Variants in CLDN16 observed in about 807,000 individuals in gnomAD.
CLDN16 encodes claudin-16.
Under a neutral mutation model 24.6 loss-of-function variants are expected in CLDN16, and 13 were observed. The observed-to-expected ratio is 0.53, with a 90% CI of 0.34 to 0.84. The LOEUF (loss-of-function observed/expected upper bound fraction) is 0.84, where lower values mean the gene tolerates loss of function less well. Ranked by LOEUF, CLDN16 falls within the 40% of genes least tolerant of loss-of-function variation. CLDN16 has a pLI of 0.01. For synonymous variants in CLDN16, 116 were observed against 106.7 expected (o/e 1.09, Z -0.54); for missense variants, 298 against 292.7 (o/e 1.02, Z -0.13).
chr3:190,312,827 C>G, the CLDN16 span: 8 of 1,603,472 alleles, frequency 5.0e-6, no homozygotes, highest in East Asian at 1.1e-4. Flanking sequence ...CAAATCATAC[C>G]AGGAACAGGT....
intron 3 of CLDN16, among the ~76,000 whole-genome samples, chr3:190,375,519 G>T (rs752871037): frequency 1.3e-4 from 19 of 151,958 alleles, no homozygotes; most frequent in Non-Finnish European, 2.6e-4. Context: ...CCTAGTTCCA[G>T]TTGAGAGATT....
chr3:190,366,998 CA>C (rs1278126747), intron 1 of CLDN16, among the ~76,000 whole-genome samples: 1 of 151,924 alleles, frequency 6.6e-6, no homozygotes, highest in African/African-American at 2.4e-5. Flanking sequence ...TGGGAGTGTT[CA>C]AAGAACAAGA....
intron 1 of CLDN16, among the ~76,000 whole-genome samples, chr3:190,364,108 T>C (rs1460812328): frequency 6.6e-6 from 1 of 151,954 alleles, no homozygotes; most frequent in Admixed American, 6.6e-5. Flanking sequence ...ACCAATACAT[T>C]TGTGAACAAA....
the CLDN16 span, chr3:190,308,403 A>C: frequency 1.9e-6 from 3 of 1,613,656 alleles, no homozygotes; most frequent in Non-Finnish European, 2.5e-6. Context: ...GAGAAGCAGC[A>C]GCCCAGCCAG....
chr3:190,391,598 G>A (rs1718677494), intron 1 of CLDN16, among the ~76,000 whole-genome samples: 1 of 152,270 alleles, frequency 6.6e-6, no homozygotes, highest in African/African-American at 2.4e-5. Context: ...TGTAGAAATG[G>A]CAGCAGGGGC....
intron 1 of CLDN16, among the ~76,000 whole-genome samples, chr3:190,341,910 G>A (rs186685063): frequency 1.3e-5 from 2 of 152,134 alleles, no homozygotes; most frequent in African/African-American, 2.4e-5. Flanking sequence ...GGGACAAAAT[G>A]CTGCCAGTCT....
chr3:190,361,937 C>T (rs960119490), intron 1 of CLDN16, among the ~76,000 whole-genome samples: 6 of 149,398 alleles, frequency 4.0e-5, no homozygotes, highest in African/African-American at 1.5e-4. Context: ...GAGAATCCAC[C>T]TGCGTAATAA....
the CLDN16 span, among the ~76,000 whole-genome samples, chr3:190,299,291 T>A: frequency 6.6e-6 from 1 of 152,140 alleles, no homozygotes; most frequent in African/African-American, 2.4e-5. Flanking sequence ...CATTTGATTG[T>A]ATTTGTTATA....
intron 1 of CLDN16, among the ~76,000 whole-genome samples, chr3:190,368,762 T>C (rs1415567039): frequency 2.6e-5 from 4 of 151,946 alleles, no homozygotes; most frequent in Admixed American, 2.6e-4. Flanking sequence ...AAGCTGTCAT[T>C]CTGAAGAGGG....
the CLDN16 span, among the ~76,000 whole-genome samples, chr3:190,310,636 G>C: frequency 6.6e-6 from 1 of 152,066 alleles, no homozygotes; most frequent in Non-Finnish European, 1.5e-5. Context: ...CTTGCAAAAG[G>C]GGAAGATGAA....
chr3:190,376,339 A>C (rs943494524), intron 3 of CLDN16, among the ~76,000 whole-genome samples: 6 of 151,882 alleles, frequency 4.0e-5, no homozygotes, highest in African/African-American at 1.2e-4. Flanking sequence ...ATAATTCAAC[A>C]ACAGAAATGA....
the CLDN16 span, among the ~76,000 whole-genome samples, chr3:190,301,717 A>C: frequency 6.6e-6 from 1 of 152,146 alleles, no homozygotes; most frequent in African/African-American, 2.4e-5. Context: ...AGTTGACTCT[A>C]CTTTAAAGTA....
chr3:190,324,674 A>G (rs929959960), intron 1 of CLDN16, among the ~76,000 whole-genome samples: 4 of 152,204 alleles, frequency 2.6e-5, no homozygotes, highest in African/African-American at 9.6e-5. Flanking sequence ...GGTCTGTGCG[A>G]GGCTGATTAC....
At chr3:190,312,686 T>C in the CLDN16 span, among the ~76,000 whole-genome samples, 1 of 152,240 alleles carries the variant, frequency 6.6e-6, no homozygotes, top group Non-Finnish European at 1.5e-5. Context: ...ACCTGTCAGA[T>C]GTGAGCAGAG....
chr3:190,389,511 AT>A (rs1248018192), intron 1 of CLDN16, among the ~76,000 whole-genome samples: 4 of 152,122 alleles, frequency 2.6e-5, no homozygotes, highest in Non-Finnish European at 5.9e-5. Context: ...GCTGTGCATT[AT>A]TTTTGCTGCT....
At chr3:190,369,117 G>A (rs770999550) in intron 1 of CLDN16, among the ~76,000 whole-genome samples, 4 of 151,820 alleles carry the variant, frequency 2.6e-5, no homozygotes, top group Non-Finnish European at 1.5e-5. Context: ...TTGAAAGACA[G>A]ATTTTTTTTT....
intron 1 of CLDN16, among the ~76,000 whole-genome samples, chr3:190,326,844 T>G (rs3954261): frequency 0.58 from 87,729 of 152,032 alleles, 26,732 homozygotes; most frequent in African/African-American, 0.78. Flanking sequence ...AGGTGCTGAA[T>G]GACTGTTCCT....
the CLDN16 span, among the ~76,000 whole-genome samples, chr3:190,310,613 A>T: frequency 1.3e-5 from 2 of 152,238 alleles, no homozygotes; most frequent in South Asian, 2.1e-4. Context: ...CATTATTAGT[A>T]CAGGTAGAAT....
chr3:190,323,025 C>CACAA lies in CLDN16; in HGVS notation n.121+367_121+368insAACA, dbSNP rs559057976. ...ATTTACACACACACACACACACACA[C>CACAA]ACAGACACACTCACGCACGGAGCAT... On this transcript the variant is annotated intron_variant and non_coding_transcript_variant, in intron 1 of 4. Coordinates refer to the CLDN16 transcript ENST00000468220. 7.6e-3 allele frequency among the ~76,000 whole-genome samples: 1,149 copies of CACAA among 151,534 alleles called. 13 individuals carry two copies. Among genetic ancestry groups the CACAA allele is most frequent in the African/African-American group, 0.023 (958 of 41,054 alleles).
Sources: allele counts gnomAD v4.1 joint callset (sites outside exome capture counted in the v4.1 genomes callset), GRCh38; gene constraint gnomAD v4.1.1; transcripts MANE v1.5; gene names NCBI Gene and HGNC (gene_info 2026-07-23, HGNC 2026-07-21).